Variants in PCDHA9 observed in about 807,000 individuals in gnomAD.
PCDHA9 encodes protocadherin alpha 9, also known as protocadherin alpha-9.
Under a neutral mutation model 62.0 loss-of-function variants are expected in PCDHA9, and 62 were observed. That is an observed-to-expected ratio of 1.00 (90% CI 0.81 to 1.23). PCDHA9 has a LOEUF of 1.23. Among genes scored for constraint, PCDHA9 ranks in the 50% most tolerant of loss-of-function variants. The probability of loss-of-function intolerance (pLI) is 0.00; values close to 1 mark genes in which losing one functional copy is unlikely to be tolerated. For missense variants in PCDHA9, 1,205 were observed against 1,249.8 expected, an observed-to-expected ratio of 0.96 and a Z score of 0.54; for synonymous variants, 557 against 567.6, an observed-to-expected ratio of 0.98 and a Z score of 0.27.
chr5:140,853,275 T>C lies in PCDHA9; in HGVS notation c.2394+2386T>C, dbSNP rs144030935. On this transcript the variant is annotated intron_variant, in intron 1 of 3. Coordinates refer to ENST00000532602, the MANE Select transcript of PCDHA9 (RefSeq NM_031857.2). The stretch of plus-strand genomic sequence containing the variant: ...TTCTCTCTCAGAGTACAAGCTCTCA[T>C]CATATGCAAATTCTCAGAAGGGCTG... The C allele has an allele frequency of 8.2e-6, 8 of 978,484 alleles. No homozygotes were observed. The East Asian group carries it at 9.1e-4, about 111-fold the overall frequency. The allele number at this position is 978,484 out of a possible 1,614,324, so 60.6% of individuals were successfully genotyped here. A position where few individuals can be genotyped will look rare whatever the true frequency, so the allele number is the denominator to read the frequency against.
intron 2 of PCDHA9, among the ~76,000 whole-genome samples, chr5:140,981,738 A>C: frequency 6.6e-6 from 1 of 152,114 alleles, no homozygotes. Flanking sequence ...TGAGAGATTA[A>C]TATGAGTTAG....
At chr5:140,856,926 G>A (rs782283116) in intron 1 of PCDHA9, 1 of 1,594,828 alleles carries the variant, frequency 6.3e-7, no homozygotes, top group South Asian at 1.1e-5. Context: ...AGGAAATTTT[G>A]GATAAACGAA....
chr5:140,929,185 GATA>G (rs1393626283), intron 1 of PCDHA9: 12 of 1,614,168 alleles, frequency 7.4e-6, no homozygotes, highest in Non-Finnish European at 1.0e-5. Flanking sequence ...ACTTGGTTCT[GATA>G]ATAACAGTTT....
intron 3 of PCDHA9, among the ~76,000 whole-genome samples, chr5:141,000,640 C>G (rs2097954123): frequency 6.6e-6 from 1 of 151,256 alleles, no homozygotes; most frequent in South Asian, 2.1e-4. Flanking sequence ...GTTGGGCAGG[C>G]TGGTCTCGAA....
chr5:140,971,210 C>G (rs192930872), intron 1 of PCDHA9, among the ~76,000 whole-genome samples: 383 of 152,274 alleles, frequency 2.5e-3, no homozygotes, highest in Non-Finnish European at 3.7e-3. Context: ...CACTGTTACC[C>G]TCCCTCTCCT....
Position 141,010,188 on chromosome 5 carries a change from T to A in PCDHA9, c.*251T>A. ...CAGAACCTAAAAAGCAGACCCAAGT[T>A]TCCTTTCTCCTCCGCCGCAAAGGAG... is the stretch of plus-strand genomic sequence containing the variant. On this transcript the variant is annotated 3_prime_UTR_variant, in exon 4 of 4. Coordinates refer to ENST00000532602, the MANE Select transcript of PCDHA9 (RefSeq NM_031857.2). 6.4e-7 allele frequency: 1 copy of A among 1,553,070 alleles called. No individual in the cohort carries two copies. The highest frequency in any genetic ancestry group is 1.2e-5 in the South Asian group (1 of 84,340).
At chr5:140,937,878 C>G (rs2091818368) in intron 1 of PCDHA9, among the ~76,000 whole-genome samples, 1 of 150,504 alleles carries the variant, frequency 6.6e-6, no homozygotes, top group Admixed American at 6.6e-5. Context: ...CGCCACTGCA[C>G]TCCAGCCTGG....
intron 1 of PCDHA9, chr5:140,869,260 G>A (rs976245495): frequency 6.2e-7 from 1 of 1,613,638 alleles, no homozygotes; most frequent in Non-Finnish European, 8.5e-7. Context: ...GCAGGACCTG[G>A]GGCTGGAGCT....
intron 1 of PCDHA9, chr5:140,867,470 T>C (rs1010353201): frequency 2.0e-5 from 3 of 152,066 alleles, no homozygotes; most frequent in Non-Finnish European, 4.4e-5. Context: ...ATGACAACAT[T>C]GGGAAAAGAG....
chr5:140,961,155 G>C (rs1214072320), intron 1 of PCDHA9, among the ~76,000 whole-genome samples: 3 of 152,126 alleles, frequency 2.0e-5, no homozygotes, highest in Non-Finnish European at 4.4e-5. Context: ...TATTATTTCA[G>C]TACATATCTA....
chr5:140,983,329 A>G (rs1359569826), intron 3 of PCDHA9, among the ~76,000 whole-genome samples: 8 of 152,228 alleles, frequency 5.3e-5, no homozygotes, highest in Admixed American at 6.5e-5. Flanking sequence ...TTCTTGCCCT[A>G]TCACTAAAGC....
chr5:140,987,035 G>A (rs992580023), intron 3 of PCDHA9, among the ~76,000 whole-genome samples: 2 of 151,946 alleles, frequency 1.3e-5, no homozygotes, highest in African/African-American at 4.8e-5. Flanking sequence ...TCAACATGGC[G>A]AAACCCCATC....
At chr5:140,872,547 A>G (rs1438827788) in intron 1 of PCDHA9, among the ~76,000 whole-genome samples, 1 of 152,128 alleles carries the variant, frequency 6.6e-6, no homozygotes, top group Non-Finnish European at 1.5e-5. Context: ...GGATCCCCTG[A>G]ACCCAGGGGT....
intron 1 of PCDHA9, chr5:140,883,287 T>A: frequency 6.2e-7 from 1 of 1,613,984 alleles, no homozygotes; most frequent in Non-Finnish European, 8.5e-7. Context: ...TTGGTGGAAG[T>A]ACTAGATGTA....
intron 2 of PCDHA9, 130 bp from the exon 3 acceptor site, chr5:140,982,345 A>G: frequency 6.8e-7 from 1 of 1,471,098 alleles, no homozygotes; most frequent in Non-Finnish European, 9.1e-7. Context: ...TAATTGCTTC[A>G]GTTCAAGCAT....
intron 1 of PCDHA9, chr5:140,858,122 G>A (rs2045205238): frequency 1.3e-6 from 2 of 1,597,922 alleles, no homozygotes; most frequent in Non-Finnish European, 1.7e-6. Flanking sequence ...GGTGGCCCTG[G>A]TGGATGTCAA....
rs139576828 is a variant in PCDHA9 at position 140,850,837 on chromosome 5, G to T, written c.2342G>T (p.Gly781Val). 6 of 1,597,642 alleles carry T rather than the reference G, an allele frequency of 3.8e-6. No individual in the cohort carries two copies. In the African/African-American group the frequency reaches 8.1e-5, roughly 21 times the overall value. Residue 781 changes from glycine to valine, a missense_variant, in exon 1 of 4, where the codon GGA becomes GTA. Transcript: ENST00000532602. ...AFSPGLSPCA[G>V]STERTGEPSA... The stretch of plus-strand genomic sequence containing the variant: ...AGCCCGGGCCTTTCTCCTTGTGCTG[G>T]ATCTACAGAGCGAACGGGAGAACCC...
intron 1 of PCDHA9, chr5:140,858,225 C>T (rs2045276704): frequency 6.3e-7 from 1 of 1,596,714 alleles, no homozygotes; most frequent in South Asian, 1.1e-5. Context: ...GCGGCGCCCA[C>T]CGAGGGCGCA....
intron 3 of PCDHA9, among the ~76,000 whole-genome samples, chr5:140,994,564 G>A (rs1554254259): frequency 6.6e-6 from 1 of 152,070 alleles, no homozygotes; most frequent in Non-Finnish European, 1.5e-5. Flanking sequence ...AATTAGCCGG[G>A]TGTGGTGGCA....
Sources: gnomAD v4.1 joint callset for allele counts (sites outside exome capture counted in the v4.1 genomes callset) on GRCh38, gnomAD v4.1.1 for gene constraint, MANE v1.5 for transcripts, NCBI Gene and HGNC (gene_info 2026-07-23, HGNC 2026-07-21) for gene names.